MEP1B: variants seen among roughly 807,000 people sequenced by gnomAD.
MEP1B encodes meprin A subunit beta, also known as N-benzoyl-L-tyrosyl-P-amino-benzoic acid hydrolase subunit beta.
Under a neutral mutation model 84.6 loss-of-function variants are expected in MEP1B, and 80 were observed. The observed-to-expected ratio is 0.95, with a 90% confidence interval of 0.79 to 1.14. The LOEUF (loss-of-function observed/expected upper bound fraction) is 1.14. Ranked by LOEUF, MEP1B falls within the 50% of genes most tolerant of loss-of-function variation. The pLI is 0.00. For synonymous variants in MEP1B, 273 were observed against 288.1 expected (o/e 0.95, Z 0.53); for missense variants, 766 against 855.1 (o/e 0.90, Z 1.30).
At chr18:32,208,368 A>C (rs2040988220) in intron 9 of MEP1B, 97 bp downstream of exon 9, 2 of 1,237,742 alleles carry the variant, frequency 1.6e-6, no homozygotes, top group Admixed American at 2.8e-5. Context: ...TTTCTATCAG[A>C]ATTATTAATG....
Position 32,217,891 on chromosome 18 carries a change from G to A in MEP1B, c.2017G>A (p.Val673Ile), listed in dbSNP as rs1487826390. 1.9e-6 allele frequency: 3 copies of A among 1,613,794 alleles called. No individual in the cohort carries two copies. Among genetic ancestry groups the A allele is most frequent in the Admixed American group, 1.7e-5 (1 of 59,992 alleles). Residue 673 changes from valine to isoleucine, a missense_variant, in exon 14 of 15, where the codon GTC becomes ATC. Transcript: ENST00000269202. ...TGCCTTGATGCTGATCATCACCCTT[G>A]TCAGTGTCTATTGCACCAGGAAGAA... ...VFALMLIITL[V>I]SVYCTRKKYR...
Position 32,202,914 on chromosome 18 carries a change from T to A in MEP1B, c.272T>A (p.Ile91Asn). The change falls in exon 6 of 15, where the codon ATC becomes AAC. Residue 91 changes from isoleucine (I) to asparagine (N), a missense_variant. By Grantham distance (149) the Ile-to-Asn change is moderately radical. Transcript: ENST00000269202. ...DSLEMNAKGV[I>N]LNAFERYRLK... ...TCAGAAATGAATGCTAAGGGAGTTA[T>A]CCTCAATGCATTTGAACGTTATCGC... 2 of 1,609,796 alleles carry A rather than the reference T, an allele frequency of 1.2e-6. No individual in the cohort carries two copies. Among genetic ancestry groups the A allele is most frequent in the East Asian group, 2.2e-5 (1 of 44,854 alleles).
chr18:32,205,242 AG>A (rs2040952924), intron 7 of MEP1B, among the ~76,000 whole-genome samples: 1 of 152,194 alleles, frequency 6.6e-6, no homozygotes, highest in Non-Finnish European at 1.5e-5. Flanking sequence ...TTTCAGTAAT[AG>A]TTGAGTAGCA....
At chr18:32,203,136 G>A (rs1258216038) in intron 6 of MEP1B, 126 bp downstream of exon 6, 2 of 546,220 alleles carry the variant, frequency 3.7e-6, no homozygotes, top group Non-Finnish European at 6.4e-6. Context: ...CTAGTTGCTG[G>A]AGAGTAAAAA....
Position 32,213,441 on chromosome 18 carries a change from A to G in MEP1B, c.1461A>G (p.Gln487=), listed in dbSNP as rs1320075191. ...FHLISGANDD[Q]LQWPCPWQQA... ...TGATCTCTGGAGCCAATGATGATCA[A>G]TTACAGTGGCCATGTCCTTGGCAAC... The change falls in exon 11 of 15, where the codon CAA becomes CAG. Residue 487 remains glutamine (Q), a synonymous_variant. Coordinates refer to ENST00000269202, the MANE Select transcript of MEP1B (RefSeq NM_005925.3). 6.2e-7 allele frequency: 1 copy of G among 1,613,880 alleles called. No homozygotes were observed. The highest frequency in any genetic ancestry group is 1.1e-5 in the South Asian group (1 of 91,082).
intron 6 of MEP1B, 56 bp downstream of exon 6, chr18:32,203,066 C>A: frequency 1.0e-6 from 1 of 973,106 alleles, no homozygotes; most frequent in Non-Finnish European, 1.6e-6. Flanking sequence ...GTGCCTGGGA[C>A]ATTACATTGC....
At position 32,213,261 on chromosome 18, in the gene MEP1B, C is replaced by A; in HGVS notation, c.1281C>A (p.Cys427Ter). The A allele has an allele frequency of 6.2e-7, 1 of 1,613,952 alleles. No individual in the cohort carries two copies. Among genetic ancestry groups the A allele is most frequent in the Non-Finnish European group, 8.5e-7 (1 of 1,179,852 alleles). Residue 427 changes from cysteine (C) to a stop codon, truncating the protein, a stop_gained, in exon 11 of 15, where the codon TGC (cysteine) becomes TGA (stop). Transcript: ENST00000269202. LOFTEE classifies it high-confidence loss of function. Reference protein sequence around the residue: ...IDDINLSETRCPHHIWHIRNF... With the variant: ...IDDINLSETR ...ACATCAATCTTTCGGAAACACGGTGCCCTCATCATATCTGGCATATAAGGA... is the reference window on the plus strand; with the variant it reads ...ACATCAATCTTTCGGAAACACGGTGACCTCATCATATCTGGCATATAAGGA...
intron 9 of MEP1B, among the ~76,000 whole-genome samples, chr18:32,209,977 C>G (rs1308766795): frequency 3.9e-5 from 6 of 152,108 alleles, no homozygotes; most frequent in Non-Finnish European, 8.8e-5. Context: ...AGTTTCAAAC[C>G]CTCGTTTTGA....
chr18:32,198,451 C>T (rs1220397283), intron 5 of MEP1B, among the ~76,000 whole-genome samples: 12 of 152,186 alleles, frequency 7.9e-5, no homozygotes, highest in Admixed American at 7.9e-4. Flanking sequence ...TGCTGTTCAC[C>T]CATCTGGCCA....
At chr18:32,204,813 A>T (rs1226678675) in intron 7 of MEP1B, among the ~76,000 whole-genome samples, 2 of 152,188 alleles carry the variant, frequency 1.3e-5, no homozygotes, top group Admixed American at 1.3e-4. Context: ...ACATACCATG[A>T]CAGAGGGCAG....
At chr18:32,207,629 A>T (rs2040979773) in intron 8 of MEP1B, among the ~76,000 whole-genome samples, 159 bp downstream of exon 8, 1 of 152,212 alleles carries the variant, frequency 6.6e-6, no homozygotes, top group Non-Finnish European at 1.5e-5. Flanking sequence ...TCAATCTACA[A>T]CTTGGAAGCA....
intron 7 of MEP1B, 31 bp from the exon 8 acceptor site, chr18:32,207,221 A>G: frequency 6.9e-7 from 1 of 1,452,062 alleles, no homozygotes; most frequent in South Asian, 1.2e-5. Flanking sequence ...TTTTGTGAAC[A>G]TCAAGTAAAG....
intron 1 of MEP1B, 49 bp downstream of exon 1, chr18:32,190,182 A>G: frequency 7.5e-7 from 1 of 1,334,652 alleles, no homozygotes; most frequent in Non-Finnish European, 1.1e-6. Context: ...GGGGCAGTTG[A>G]TATTGATTGT....
At chr18:32,208,052 G>A (rs973009642) in intron 8 of MEP1B, 67 bp from the exon 9 acceptor site, 7 of 1,538,014 alleles carry the variant, frequency 4.6e-6, no homozygotes, top group East Asian at 4.5e-5. Flanking sequence ...ACTGTGATAA[G>A]TTCAGTTTTT....
intron 7 of MEP1B, among the ~76,000 whole-genome samples, chr18:32,206,082 A>T (rs1276330820): frequency 6.6e-6 from 1 of 151,556 alleles, no homozygotes; most frequent in East Asian, 2.0e-4. Context: ...CCTGGGTTCA[A>T]GTGATTCTCC....
Position 32,215,120 on chromosome 18 carries a change from G to C in MEP1B, c.1618G>C (p.Gly540Arg), listed in dbSNP as rs1447922744. 6.2e-7 allele frequency: 1 copy of C among 1,606,076 alleles called. No homozygotes were observed. Among genetic ancestry groups the C allele is most frequent in the Admixed American group, 1.7e-5 (1 of 58,138 alleles). ...TTTCTGGGACAGGCCTTCTAAAGTG[G>C]GAACAGTGGCTTTGTTCTCTAATGG... The part of the protein sequence containing the change: ...NYFWDRPSKV[G>R]TVALFSNGTQ... Residue 540 changes from glycine (G) to arginine (R), a missense_variant, in exon 12 of 15, where the codon GGA (glycine) becomes CGA (arginine). By Grantham distance (125) the Gly-to-Arg change is moderately radical. Coordinates refer to ENST00000269202, the MANE Select transcript of MEP1B (RefSeq NM_005925.3).
At chr18:32,218,772 C>T (rs2041120603) in intron 14 of MEP1B, among the ~76,000 whole-genome samples, 1 of 152,098 alleles carries the variant, frequency 6.6e-6, no homozygotes, top group African/African-American at 2.4e-5. Flanking sequence ...TTTGTACTCC[C>T]ATCACTGGAA....
Position 32,196,700 on chromosome 18 carries a change from CTG to C in MEP1B, c.250+1216_250+1217del. 1.6e-6 allele frequency: 1 copy of C among 638,418 alleles called. No individual in the cohort carries two copies. The highest frequency in any genetic ancestry group is 2.9e-6 in the Non-Finnish European group (1 of 350,634). 39.5% of individuals were successfully genotyped at this position (638,418 alleles called of 1,614,324 possible). ...ACCAGCGCATGAGGTAGTGGGCGCC[CTG>C]CAGCAGGCTGAGGGCCAGGGACAGC... is the stretch of plus-strand genomic sequence containing the variant. On this transcript the variant is annotated intron_variant, in intron 5 of 14. Coordinates refer to ENST00000269202, the MANE Select transcript of MEP1B (RefSeq NM_005925.3). The surrounding 1 kb of genome is among the most constrained non-coding windows in gnomAD (Gnocchi z 4.4).
chr18:32,214,916 A>C (rs1023163050), intron 11 of MEP1B, among the ~76,000 whole-genome samples, 166 bp from the exon 12 acceptor site: 2 of 152,170 alleles, frequency 1.3e-5, no homozygotes, highest in African/African-American at 4.8e-5. Flanking sequence ...GGACAGTATA[A>C]ATGAACAAGC....
Sources: gnomAD v4.1 joint callset for allele counts (sites outside exome capture counted in the v4.1 genomes callset) on GRCh38, gnomAD v4.1.1 for gene constraint, Gnocchi (gnomAD v3.1) non-coding constraint, MANE v1.5 for transcripts, NCBI Gene and HGNC (gene_info 2026-07-23, HGNC 2026-07-21) for gene names.